The following WEE1 variants were observed in gnomAD, a reference collection of about 807,000 sequenced individuals.
WEE1 encodes the protein WEE1 G2 checkpoint kinase.
WEE1 carries 16 observed loss-of-function variants against 68.8 expected under a neutral mutation model. That is an observed-to-expected ratio of 0.23 (90% CI 0.16 to 0.35). The LOEUF (loss-of-function observed/expected upper bound fraction) is 0.35, where lower values mean the gene tolerates loss of function less well. Among genes scored for constraint, WEE1 ranks in the 10% least tolerant of loss-of-function variants. The pLI is 1.00. For synonymous variants in WEE1, 349 were observed against 318.7 expected, an observed-to-expected ratio of 1.09 and a Z score of -1.01; for missense variants, 651 against 824.1, an observed-to-expected ratio of 0.79 and a Z score of 2.57.
At chr11:9,584,904 G>A (rs775562153) in intron 6 of WEE1, among the ~76,000 whole-genome samples, 13 of 152,084 alleles carry the variant, frequency 8.5e-5, no homozygotes, top group East Asian at 1.9e-4. Flanking sequence ...GTGAAACCCC[G>A]TCTCTACTAA....
At position 9,577,372 on chromosome 11, in the gene WEE1, T is replaced by A. The variant is rs1001257110; in HGVS notation, c.1141+109T>A. 8.7e-6 allele frequency: 12 copies of A among 1,378,400 alleles called. No homozygotes were observed. The Middle Eastern group carries it at 6.6e-4, about 76-fold the overall frequency. 85.4% of individuals were successfully genotyped at this position (1,378,400 alleles called of 1,614,324 possible). On this transcript the variant is annotated intron_variant, in intron 5 of 10. Transcript: ENST00000450114. ...TTCTGTCACTTTTATCTTTTATAAA[T>A]TTAAAGATCAGAGACCTAACATAAA...
chr11:9,586,397 T>C, intron 8 of WEE1, 52 bp from the exon 9 acceptor site: 1 of 1,527,002 alleles, frequency 6.5e-7, no homozygotes, highest in East Asian at 2.3e-5. Flanking sequence ...TGTAATCTTG[T>C]TTTATTTTGA....
chr11:9,579,872 A>G (rs1849605721), intron 5 of WEE1: 1 of 152,236 alleles, frequency 6.6e-6, no homozygotes, highest in East Asian at 1.9e-4. Context: ...TTTAAATTAT[A>G]GGACCTCCTT....
At chr11:9,587,481 A>G (rs1849714673) in intron 10 of WEE1, among the ~76,000 whole-genome samples, 1 of 152,226 alleles carries the variant, frequency 6.6e-6, no homozygotes, top group Admixed American at 6.5e-5. Context: ...ACTCTCACCA[A>G]AAGTTAACGT....
intron 10 of WEE1, 131 bp from the exon 11 acceptor site, chr11:9,588,318 C>A: frequency 1.8e-6 from 1 of 544,966 alleles, no homozygotes; most frequent in Non-Finnish European, 2.9e-6. Context: ...CTTCAGTTTC[C>A]TGTTTTATTT....
rs979143472 is a variant in WEE1 at position 9,589,826 on chromosome 11, A to G, written c.*1224A>G. Reference sequence around the variant, plus strand: ...CTATTATTGCTATACTATAAAATGTATAGTGTGTATAATGTACTATTATAA... The same window carrying G: ...CTATTATTGCTATACTATAAAATGTGTAGTGTGTATAATGTACTATTATAA... On this transcript the variant is annotated 3_prime_UTR_variant, in exon 11 of 11. Transcript: ENST00000450114. The G allele has an allele frequency of 4.6e-5, 28 of 602,590 alleles. No individual in the cohort carries two copies. The highest frequency in any genetic ancestry group is 5.2e-5 in the Non-Finnish European group (25 of 480,074). 37.3% of individuals were successfully genotyped at this position (602,590 alleles called of 1,614,324 possible). A position where few individuals can be genotyped will look rare whatever the true frequency, so the allele number is the denominator to read the frequency against.
rs976927208 is a variant in WEE1 at position 9,589,765 on chromosome 11, A to C, written c.*1163A>C. 36 of 953,166 alleles carry C rather than the reference A, an allele frequency of 3.8e-5. No individual in the cohort carries two copies. The African/African-American group carries it at 6.4e-4, about 17-fold the overall frequency. The allele number at this position is 953,166 out of a possible 1,614,324, so 59.0% of individuals were successfully genotyped here. A position where few individuals can be genotyped will look rare whatever the true frequency, so the allele number is the denominator to read the frequency against. On this transcript the variant is annotated 3_prime_UTR_variant, in exon 11 of 11. Coordinates refer to ENST00000450114, the MANE Select transcript of WEE1 (RefSeq NM_003390.4). Reference sequence around the variant, plus strand: ...CACTCTGAGCTTACCTTAATTGTCTAAATCCTTGTGATGCCTGTTTTCTAA... The same window carrying C: ...CACTCTGAGCTTACCTTAATTGTCTCAATCCTTGTGATGCCTGTTTTCTAA...
chr11:9,584,099 G>A (rs533937624), intron 6 of WEE1, among the ~76,000 whole-genome samples: 1 of 151,504 alleles, frequency 6.6e-6, no homozygotes, highest in East Asian at 2.0e-4. Context: ...GCCCACCTTG[G>A]CCTCCCAAAG....
At chr11:9,581,194 G>C (rs1849623593) in intron 5 of WEE1, 1 of 195,486 alleles carries the variant, frequency 5.1e-6, no homozygotes, top group Non-Finnish European at 1.0e-5. Flanking sequence ...ATTCCAGCTG[G>C]GCAACATAGA....
At chr11:9,575,646 T>A (rs757691178) in intron 1 of WEE1, 4 of 513,176 alleles carry the variant, frequency 7.8e-6, no homozygotes, top group Non-Finnish European at 1.4e-5. Context: ...GCAGCATTTA[T>A]ATTCTTTTTA....
At chr11:9,577,341 C>A in intron 5 of WEE1, 78 bp downstream of exon 5, 1 of 1,513,040 alleles carries the variant, frequency 6.6e-7, no homozygotes, top group Non-Finnish European at 8.9e-7. Context: ...TAAAATCTTG[C>A]TCTATTTCTG....
chr11:9,586,953 G>T lies in WEE1; in HGVS notation c.1787+97G>T, dbSNP rs910921389. The T allele has an allele frequency of 1.6e-5, 22 of 1,376,232 alleles. 1 individual carries two copies. In the Middle Eastern group the frequency reaches 1.3e-3, roughly 83 times the overall value. The allele number at this position is 1,376,232 out of a possible 1,614,324, so 85.3% of individuals were successfully genotyped here. On this transcript the variant is annotated intron_variant, in intron 10 of 10. Coordinates refer to ENST00000450114, the MANE Select transcript of WEE1 (RefSeq NM_003390.4). ...TTTAAGCTTTCTGTCAACAAAGGAT[G>T]TAGTGGTTTTTTGTGTTTTTTGTTT...
chr11:9,575,063 A>G (rs1351381479), intron 1 of WEE1: 8 of 985,518 alleles, frequency 8.1e-6, no homozygotes, highest in Non-Finnish European at 8.4e-6. Flanking sequence ...CCTTCCAAGC[A>G]TTTACAGTCC....
intron 6 of WEE1, among the ~76,000 whole-genome samples, chr11:9,584,812 C>T (rs1364214510): frequency 1.3e-5 from 2 of 152,192 alleles, no homozygotes; most frequent in Non-Finnish European, 2.9e-5. Context: ...AGTGGTGGCT[C>T]ATGCCTGTAA....
Position 9,589,268 on chromosome 11 carries a change from A to G in WEE1, c.*666A>G, listed in dbSNP as rs1352824135. On this transcript the variant is annotated 3_prime_UTR_variant, in exon 11 of 11. Transcript: ENST00000450114. ...TAGCTGCTTTTGATGAAAAGCAGCT[A>G]TTTGCCTTTTTTTTTTTTTCCTTTG... 6.2e-6 allele frequency: 6 copies of G among 974,644 alleles called. No homozygotes were observed. The highest frequency in any genetic ancestry group is 6.1e-6 in the Non-Finnish European group (5 of 824,236). The allele number at this position is 974,644 out of a possible 1,614,324, so 60.4% of individuals were successfully genotyped here.
At position 9,574,899 on chromosome 11, in the gene WEE1, C is replaced by T. The variant is rs1451318919; in HGVS notation, c.576+390C>T. 6.1e-6 allele frequency: 6 copies of T among 985,562 alleles called. No homozygotes were observed. The highest frequency in any genetic ancestry group is 6.2e-5 in the Admixed American group (1 of 16,240). 61.1% of individuals were successfully genotyped at this position (985,562 alleles called of 1,614,324 possible). A position where few individuals can be genotyped will look rare whatever the true frequency, so the allele number is the denominator to read the frequency against. Reference sequence around the variant, plus strand: ...CGAGCCATAGGATGCCTTTTAAACGCGGCGATCGGGCCTGTAATTTGGGCG... The same window carrying T: ...CGAGCCATAGGATGCCTTTTAAACGTGGCGATCGGGCCTGTAATTTGGGCG... On this transcript the variant is annotated intron_variant, in intron 1 of 10. Transcript: ENST00000450114. The surrounding 1 kb of genome is among the most constrained non-coding windows in gnomAD (Gnocchi z 4.9).
At chr11:9,585,072 C>CA (rs1323897465) in intron 6 of WEE1, 186 bp from the exon 7 acceptor site, 23 of 565,588 alleles carry the variant, frequency 4.1e-5, no homozygotes, top group Middle Eastern at 4.7e-4. Context: ...CAAAAAAAAA[C>CA]AAAAAAAATT....
chr11:9,577,406 A>G (rs1294971180), intron 5 of WEE1, 143 bp downstream of exon 5: 1 of 1,095,968 alleles, frequency 9.1e-7, no homozygotes, highest in Non-Finnish European at 1.3e-6. Context: ...AATTTCAAGT[A>G]CAAGGTTAAA....
chr11:9,576,062 T>TGTC lies in WEE1; in HGVS notation c.757_759dup (p.Arg254dup). The TGTC allele has an allele frequency of 6.2e-7, 1 of 1,614,198 alleles. No individual in the cohort carries two copies. Among genetic ancestry groups the TGTC allele is most frequent in the Non-Finnish European group, 8.5e-7 (1 of 1,180,026 alleles). On this transcript the variant is annotated inframe_insertion, in exon 2 of 11. Coordinates refer to ENST00000450114, the MANE Select transcript of WEE1 (RefSeq NM_003390.4). The surrounding 1 kb of genome is among the most constrained non-coding windows in gnomAD (Gnocchi z 4.3). ...TTTGTTGCTTCATTCCTCAGGACAG[T>TGTC]GTCGTCGTAGAAAGAGAACGTATTG... is the stretch of plus-strand genomic sequence containing the variant.
Sources: allele counts gnomAD v4.1 joint callset (sites outside exome capture counted in the v4.1 genomes callset), GRCh38; gene constraint gnomAD v4.1.1; non-coding constraint Gnocchi (gnomAD v3.1); transcripts MANE v1.5; gene names NCBI Gene and HGNC (gene_info 2026-07-23, HGNC 2026-07-21).